The following DOCK3 variants were observed in gnomAD, a reference collection of about 807,000 sequenced individuals.
DOCK3 encodes the protein dedicator of cytokinesis protein 3.
DOCK3 carries 60 observed loss-of-function variants against 265.6 expected under a neutral mutation model. That is an observed-to-expected ratio of 0.23 (90% CI 0.18 to 0.28). The LOEUF (loss-of-function observed/expected upper bound fraction) is 0.28. Ranked by LOEUF, DOCK3 falls within the 10% of genes least tolerant of loss-of-function variation. DOCK3 has a pLI of 1.00. For missense variants in DOCK3, 1,981 were observed against 2,594.3 expected, an observed-to-expected ratio of 0.76 and a Z score of 5.14; for synonymous variants, 881 against 938.0, an observed-to-expected ratio of 0.94 and a Z score of 1.11.
chr3:50,692,705 G>A (rs929480542), intron 1 of DOCK3, among the ~76,000 whole-genome samples: 1 of 152,130 alleles, frequency 6.6e-6, no homozygotes, highest in African/African-American at 2.4e-5. Context: ...TGTTGATGGT[G>A]TCCTTCGATG....
intron 24 of DOCK3, among the ~76,000 whole-genome samples, chr3:51,273,016 G>A (rs1321685708): frequency 6.6e-6 from 1 of 151,854 alleles, no homozygotes; most frequent in African/African-American, 2.4e-5. Flanking sequence ...ACAAAATTTA[G>A]CCAGGCATGG....
chr3:51,251,790 A>C (rs527733852), intron 22 of DOCK3, among the ~76,000 whole-genome samples: 223 of 152,152 alleles, frequency 1.5e-3, no homozygotes, highest in Non-Finnish European at 2.4e-3. Flanking sequence ...GATGGCAAAA[A>C]TTTTCTCCTA....
At chr3:51,066,317 AAAAC>A (rs758436171) in intron 6 of DOCK3, among the ~76,000 whole-genome samples, 85 of 152,230 alleles carry the variant, frequency 5.6e-4, no homozygotes, top group African/African-American at 1.0e-3. Context: ...ATGGAAAAAC[AAAAC>A]AAACAAACAA....
At chr3:50,802,453 T>C (rs977971983) in intron 2 of DOCK3, among the ~76,000 whole-genome samples, 24 of 152,198 alleles carry the variant, frequency 1.6e-4, no homozygotes, top group African/African-American at 5.8e-4. Context: ...AAGATCAGTT[T>C]AGTGGTGATG....
At chr3:51,166,340 C>A (rs2086406213) in intron 12 of DOCK3, among the ~76,000 whole-genome samples, 1 of 152,128 alleles carries the variant, frequency 6.6e-6, no homozygotes, top group African/African-American at 2.4e-5. Context: ...CATGAGTCAC[C>A]ATGCCTGGCC....
chr3:51,150,176 G>A lies in DOCK3; in HGVS notation c.828+3546G>A, dbSNP rs146958050. ...TGGTAGTTTGTATTTCTGTAGGATC[G>A]GTGACGATATCCCCTTTTTCATTTT... On this transcript the variant is annotated intron_variant, in intron 10 of 52. Coordinates refer to ENST00000266037, the MANE Select transcript of DOCK3 (RefSeq NM_004947.5). Among the ~76,000 whole-genome samples, 353 of 152,108 alleles carry A rather than the reference G, an allele frequency of 2.3e-3. 1 individual carries two copies. The highest frequency in any genetic ancestry group is 7.5e-3 in the African/African-American group (310 of 41,478).
chr3:50,701,536 T>G (rs952104037), intron 1 of DOCK3, among the ~76,000 whole-genome samples: 1 of 152,220 alleles, frequency 6.6e-6, no homozygotes, highest in Non-Finnish European at 1.5e-5. Context: ...TTCTGTGTGT[T>G]GTCTCTTTAC....
intron 27 of DOCK3, among the ~76,000 whole-genome samples, chr3:51,288,883 TGG>T (rs1264731342): frequency 1.3e-5 from 2 of 149,222 alleles, no homozygotes; most frequent in Admixed American, 6.6e-5. Flanking sequence ...GGTGTTTGTG[TGG>T]GTGTGTGTGT....
At chr3:50,726,292 A>G (rs2037818841) in intron 1 of DOCK3, among the ~76,000 whole-genome samples, 1 of 152,136 alleles carries the variant, frequency 6.6e-6, no homozygotes, top group South Asian at 2.1e-4. Context: ...AGCCATTCAG[A>G]AGAAGGGACA....
intron 15 of DOCK3, 31 bp downstream of exon 15, chr3:51,225,804 G>A (rs2090303194): frequency 6.3e-7 from 1 of 1,598,424 alleles, no homozygotes; most frequent in Non-Finnish European, 8.5e-7. Flanking sequence ...ATTTGGGTTG[G>A]AGGATAATCC....
intron 4 of DOCK3, among the ~76,000 whole-genome samples, chr3:50,904,584 T>G (rs1297873413): frequency 2.6e-5 from 4 of 152,256 alleles, no homozygotes; most frequent in Non-Finnish European, 5.9e-5. Context: ...TCTGTTCATA[T>G]CCTTTGCCCA....
intron 10 of DOCK3, among the ~76,000 whole-genome samples, chr3:51,148,935 A>T (rs566697589): frequency 1.1e-4 from 17 of 152,130 alleles, no homozygotes; most frequent in Non-Finnish European, 1.9e-4. Context: ...ACCTTGGGCA[A>T]TACGGCCATT....
At chr3:50,716,254 G>T (rs557808839) in intron 1 of DOCK3, among the ~76,000 whole-genome samples, 135 of 152,196 alleles carry the variant, frequency 8.9e-4, no homozygotes, top group African/African-American at 3.1e-3. Flanking sequence ...TTGGCCAGGC[G>T]TGGTGGCTCA....
chr3:51,261,801 C>A (rs1313882075), intron 23 of DOCK3, among the ~76,000 whole-genome samples: 1 of 152,158 alleles, frequency 6.6e-6, no homozygotes, highest in Non-Finnish European at 1.5e-5. Context: ...CTGACAGGAA[C>A]TTTGGACAAG....
At chr3:50,698,558 G>T (rs1280536736) in intron 1 of DOCK3, among the ~76,000 whole-genome samples, 1 of 22,704 alleles carries the variant, frequency 4.4e-5, no homozygotes, top group African/African-American at 1.0e-4. Context: ...ATACCCAGGT[G>T]TGGAATTGCT....
intron 1 of DOCK3, among the ~76,000 whole-genome samples, chr3:50,735,877 G>A (rs982306024): frequency 1.4e-4 from 22 of 152,078 alleles, no homozygotes; most frequent in Admixed American, 2.6e-4. Flanking sequence ...TACTCATGGC[G>A]GAAGGCATAG....
chr3:51,345,726 A>G (rs2085520925), intron 38 of DOCK3, among the ~76,000 whole-genome samples: 1 of 152,228 alleles, frequency 6.6e-6, no homozygotes, highest in Non-Finnish European at 1.5e-5. Context: ...TGCAGTTTCA[A>G]TCCATATGGT....
At chr3:51,270,122 C>G (rs1026556296) in intron 23 of DOCK3, among the ~76,000 whole-genome samples, 1 of 152,222 alleles carries the variant, frequency 6.6e-6, no homozygotes, top group Admixed American at 6.5e-5. Flanking sequence ...CATGCACACT[C>G]CCACTCCCCT....
chr3:50,772,281 G>C (rs1206827200), intron 1 of DOCK3, among the ~76,000 whole-genome samples: 1 of 152,234 alleles, frequency 6.6e-6, no homozygotes, highest in Non-Finnish European at 1.5e-5. Flanking sequence ...TAGAAGGATA[G>C]TTACTAGAGG....
Sources: allele counts gnomAD v4.1 joint callset (sites outside exome capture counted in the v4.1 genomes callset), GRCh38; gene constraint gnomAD v4.1.1; transcripts MANE v1.5; gene names NCBI Gene and HGNC (gene_info 2026-07-23, HGNC 2026-07-21).